Variants in KATNAL1 observed in about 807,000 individuals in gnomAD.
KATNAL1 encodes katanin catalytic subunit A1 like 1.
In KATNAL1, 32 loss-of-function variants were observed where a neutral mutation model predicts 55.2. That is an observed-to-expected ratio of 0.58 (90% CI 0.44 to 0.78). The LOEUF is 0.78. Ranked by LOEUF, KATNAL1 falls within the 30% of genes least tolerant of loss-of-function variation. The pLI is 0.00. For synonymous variants in KATNAL1, 193 were observed against 193.6 expected, an observed-to-expected ratio of 1.00 and a Z score of 0.02; for missense variants, 466 against 600.9, an observed-to-expected ratio of 0.78 and a Z score of 2.35.
At position 30,255,446 on chromosome 13, in the gene KATNAL1, C is replaced by A. The variant is rs1878690396; in HGVS notation, c.492+1G>T. 6.6e-7 allele frequency: 1 copy of A among 1,518,726 alleles called. No homozygotes were observed. The highest frequency in any genetic ancestry group is 8.8e-7 in the Non-Finnish European group (1 of 1,132,818). The allele number at this position is 1,518,726 out of a possible 1,614,324, so 94.1% of individuals were successfully genotyped here. A position where few individuals can be genotyped will look rare whatever the true frequency, so the allele number is the denominator to read the frequency against. ...TGAATTACAGAAAGACAGCATCTTG[C>A]CTTGTCATCTCTCCCTCTTGCTCTA... On this transcript the variant is annotated splice_donor_variant, in intron 4 of 10. Transcript: ENST00000380615. LOFTEE classifies it high-confidence loss of function.
chr13:30,268,329 C>T (rs1879941525), intron 3 of KATNAL1, among the ~76,000 whole-genome samples: 1 of 152,198 alleles, frequency 6.6e-6, no homozygotes, highest in Admixed American at 6.5e-5. Flanking sequence ...AGCAAGATGA[C>T]TCTCAATAAC....
At chr13:30,222,576 T>C (rs773357528) in intron 9 of KATNAL1, among the ~76,000 whole-genome samples, 7 of 152,210 alleles carry the variant, frequency 4.6e-5, no homozygotes, top group Non-Finnish European at 7.3e-5. Context: ...GCTGGCACGA[T>C]GCATACTGTA....
At chr13:30,240,324 A>C in intron 6 of KATNAL1, 136 bp downstream of exon 6, 1 of 603,248 alleles carries the variant, frequency 1.7e-6, no homozygotes, top group Admixed American at 2.9e-5. Context: ...ATTCAAATCC[A>C]GGTGTTTTGG....
At chr13:30,291,897 C>A (rs1882156623) in intron 1 of KATNAL1, among the ~76,000 whole-genome samples, 1 of 151,670 alleles carries the variant, frequency 6.6e-6, no homozygotes, top group Non-Finnish European at 1.5e-5. Flanking sequence ...TAGCCGGGTG[C>A]GGTGGGGCAT....
chr13:30,300,422 A>G (rs1245906697), intron 1 of KATNAL1, among the ~76,000 whole-genome samples: 1 of 152,168 alleles, frequency 6.6e-6, no homozygotes, highest in African/African-American at 2.4e-5. Flanking sequence ...AATAACACTA[A>G]TTAGAACAGT....
chr13:30,230,034 T>C (rs1382321647), intron 8 of KATNAL1, among the ~76,000 whole-genome samples: 1 of 152,024 alleles, frequency 6.6e-6, no homozygotes, highest in Non-Finnish European at 1.5e-5. Context: ...GCTTCTGCTT[T>C]CTTTTTATGA....
intron 5 of KATNAL1, 103 bp downstream of exon 5, chr13:30,240,856 G>T: frequency 9.7e-7 from 1 of 1,025,816 alleles, no homozygotes; most frequent in Non-Finnish European, 1.4e-6. Context: ...TATAGATGTG[G>T]TCATAATCAG....
intron 9 of KATNAL1, among the ~76,000 whole-genome samples, chr13:30,210,973 G>C (rs1270019819): frequency 6.6e-6 from 1 of 152,116 alleles, no homozygotes; most frequent in African/African-American, 2.4e-5. Context: ...TTTACTTGGA[G>C]AGCCAGCCCA....
intron 9 of KATNAL1, among the ~76,000 whole-genome samples, chr13:30,213,297 A>G (rs1053505495): frequency 1.3e-5 from 2 of 152,312 alleles, no homozygotes; most frequent in Non-Finnish European, 2.9e-5. Context: ...TACCAACCAA[A>G]AAGAGTCCAG....
intron 3 of KATNAL1, among the ~76,000 whole-genome samples, chr13:30,279,422 T>G (rs959943635): frequency 3.3e-5 from 5 of 152,108 alleles, no homozygotes; most frequent in Non-Finnish European, 7.4e-5. Context: ...GATAGTCAGT[T>G]GAGTTGAGAC....
intron 1 of KATNAL1, among the ~76,000 whole-genome samples, chr13:30,294,527 T>A (rs866976782): frequency 2.6e-5 from 4 of 152,160 alleles, no homozygotes; most frequent in Non-Finnish European, 5.9e-5. Flanking sequence ...TAGAGACTGG[T>A]TTATGAGGTT....
At chr13:30,283,876 AC>A (rs1303441483) in intron 1 of KATNAL1, 85 bp from the exon 2 acceptor site, 28 of 887,354 alleles carry the variant, frequency 3.2e-5, no homozygotes, top group Middle Eastern at 7.3e-4. Flanking sequence ...GTTTAAAACT[AC>A]TTTTTTTTTT....
At chr13:30,284,212 G>C (rs1348841820) in intron 1 of KATNAL1, among the ~76,000 whole-genome samples, 1 of 152,090 alleles carries the variant, frequency 6.6e-6, no homozygotes, top group East Asian at 1.9e-4. Flanking sequence ...TTATCTGAAT[G>C]CATCTTACAA....
Position 30,208,456 on chromosome 13 carries a change from T to C in KATNAL1, c.*84A>G, listed in dbSNP as rs1196197898. The C allele has an allele frequency of 4.0e-5, 50 of 1,260,938 alleles. No homozygotes were observed. Among genetic ancestry groups the C allele is most frequent in the Non-Finnish European group, 4.4e-5 (41 of 931,580 alleles). 78.1% of individuals were successfully genotyped at this position (1,260,938 alleles called of 1,614,324 possible). A position where few individuals can be genotyped will look rare whatever the true frequency, so the allele number is the denominator to read the frequency against. ...GCGAAAACCACTCCACTGAAAAAAA[T>C]TCCAAACTTGTTTTTTAAAAATTGC... On this transcript the variant is annotated 3_prime_UTR_variant, in exon 11 of 11. Coordinates refer to ENST00000380615, the MANE Select transcript of KATNAL1 (RefSeq NM_032116.5).
intron 1 of KATNAL1, 182 bp downstream of exon 1, chr13:30,307,149 T>C (rs1032867800): frequency 2.0e-5 from 3 of 150,754 alleles, no homozygotes; most frequent in Admixed American, 1.3e-4. Flanking sequence ...ACAATTCCCA[T>C]GATGCACCGC....
At chr13:30,261,901 T>C (rs1566113880) in intron 3 of KATNAL1, among the ~76,000 whole-genome samples, 1 of 151,856 alleles carries the variant, frequency 6.6e-6, no homozygotes, top group Non-Finnish European at 1.5e-5. Context: ...CCACCCCAAA[T>C]CAACAGAATA....
intron 3 of KATNAL1, among the ~76,000 whole-genome samples, chr13:30,278,459 A>C (rs1881030941): frequency 6.6e-6 from 1 of 152,246 alleles, no homozygotes; most frequent in African/African-American, 2.4e-5. Flanking sequence ...TTAAGAAAGG[A>C]CAAAGAAAAG....
Position 30,208,280 on chromosome 13 carries a change from C to A in KATNAL1, c.*260G>T. ...ACACTGCGCCCTTGCTTCAGCCTCCCTGATAGACTGGTTTGGGTGTGCAAT... is the reference window on the plus strand; with the variant it reads ...ACACTGCGCCCTTGCTTCAGCCTCCATGATAGACTGGTTTGGGTGTGCAAT... On this transcript the variant is annotated 3_prime_UTR_variant, in exon 11 of 11. Transcript: ENST00000380615. The A allele has an allele frequency of 2.9e-6, 1 of 345,802 alleles. No homozygotes were observed. The highest frequency in any genetic ancestry group is 5.2e-6 in the Non-Finnish European group (1 of 191,934). The allele number at this position is 345,802 out of a possible 1,614,324, so 21.4% of individuals were successfully genotyped here.
At chr13:30,223,319 G>A (rs1334640866) in intron 9 of KATNAL1, among the ~76,000 whole-genome samples, 1 of 151,010 alleles carries the variant, frequency 6.6e-6, no homozygotes, top group African/African-American at 2.4e-5. Flanking sequence ...GCAGGCGCCT[G>A]TGGTCCCAGC....
Sources: allele counts gnomAD v4.1 joint callset (sites outside exome capture counted in the v4.1 genomes callset), GRCh38; gene constraint gnomAD v4.1.1; transcripts MANE v1.5; gene names NCBI Gene and HGNC (gene_info 2026-07-23, HGNC 2026-07-21).